KAZN: variants seen among roughly 807,000 people sequenced by gnomAD.
KAZN encodes kazrin.
Under a neutral mutation model 87.4 loss-of-function variants are expected in KAZN, and 40 were observed. That is an observed-to-expected ratio of 0.46 (90% CI 0.36 to 0.60). The LOEUF is 0.60. Among genes scored for constraint, KAZN ranks in the 20% least tolerant of loss-of-function variants. The pLI, the probability that KAZN is intolerant of heterozygous loss-of-function variation, is 0.00. For synonymous variants in KAZN, 466 were observed against 458.3 expected, an observed-to-expected ratio of 1.02 and a Z score of -0.22; for missense variants, 898 against 1,073.9, an observed-to-expected ratio of 0.84 and a Z score of 2.29.
chr1:14,354,472 GAAAAC>G (rs1658822796), intron 2 of KAZN, among the ~76,000 whole-genome samples: 1 of 152,008 alleles, frequency 6.6e-6, no homozygotes, highest in South Asian at 2.1e-4. Flanking sequence ...GTAATAAAAA[GAAAAC>G]AACCCAGTAC....
At chr1:14,049,405 AT>A in intron 1 of KAZN, among the ~76,000 whole-genome samples, 2 of 152,334 alleles carry the variant, frequency 1.3e-5, no homozygotes, top group East Asian at 3.9e-4. Context: ...AGCATGGCAC[AT>A]ATATACATAT....
chr1:15,007,391 G>A (rs1371391960), intron 2 of KAZN, among the ~76,000 whole-genome samples: 1 of 152,230 alleles, frequency 6.6e-6, no homozygotes, highest in East Asian at 1.9e-4. Flanking sequence ...AGCTAGGAAT[G>A]TAATGTTGCC....
chr1:14,513,677 C>T (rs1476407493), intron 2 of KAZN, among the ~76,000 whole-genome samples: 1 of 152,032 alleles, frequency 6.6e-6, no homozygotes, highest in Non-Finnish European at 1.5e-5. Flanking sequence ...ATGTTGAAAA[C>T]ATATCATAGT....
intron 8 of KAZN, among the ~76,000 whole-genome samples, chr1:15,083,499 A>G (rs944047748): frequency 6.6e-6 from 1 of 152,172 alleles, no homozygotes; most frequent in African/African-American, 2.4e-5. Flanking sequence ...AGCATTAGGC[A>G]TGAGTGTCTC....
chr1:14,577,837 A>T (rs1675285748), intron 2 of KAZN, among the ~76,000 whole-genome samples: 1 of 152,202 alleles, frequency 6.6e-6, no homozygotes, highest in Admixed American at 6.5e-5. Context: ...CCAAGATATT[A>T]TCATGCCCAT....
chr1:14,085,935 GA>G (rs1643840068), intron 1 of KAZN, among the ~76,000 whole-genome samples: 1 of 152,040 alleles, frequency 6.6e-6, no homozygotes, highest in Non-Finnish European at 1.5e-5. Flanking sequence ...ATGGCCATAT[GA>G]AAAAATGTGA....
chr1:14,881,691 A>G (rs1653355820), intron 1 of KAZN, among the ~76,000 whole-genome samples: 1 of 152,192 alleles, frequency 6.6e-6, no homozygotes, highest in Non-Finnish European at 1.5e-5. Flanking sequence ...CTGGTGTCAA[A>G]TCACCTGGAA....
chr1:14,103,186 G>C (rs942416811), intron 1 of KAZN, among the ~76,000 whole-genome samples: 3 of 152,154 alleles, frequency 2.0e-5, no homozygotes, highest in Non-Finnish European at 2.9e-5. Context: ...CTCTCAAAGT[G>C]CCGGGATTAC....
At chr1:14,104,538 G>A (rs1261995502) in intron 1 of KAZN, among the ~76,000 whole-genome samples, 4 of 152,198 alleles carry the variant, frequency 2.6e-5, no homozygotes, top group Non-Finnish European at 1.5e-5. Flanking sequence ...ATCTTCCAAG[G>A]TAGAAAACCT....
chr1:14,764,769 T>C (rs901175230), intron 1 of KAZN, among the ~76,000 whole-genome samples: 2 of 152,130 alleles, frequency 1.3e-5, no homozygotes, highest in Admixed American at 1.3e-4. Flanking sequence ...AGGCTGGGTA[T>C]AGAAACAGGC....
rs112804304 is a variant in KAZN at position 14,809,359 on chromosome 1, G to A, written c.227-151325G>A. ...AAATGCCTAGACAGCTGTGCTTTCT[G>A]AATTCTTCTCTCCCTCTGTGACTTT... On this transcript the variant is annotated intron_variant, in intron 1 of 14. Coordinates refer to ENST00000376030, the MANE Select transcript of KAZN (RefSeq NM_201628.3). Among the ~76,000 whole-genome samples the A allele has an allele frequency of 1.2e-4, 18 of 152,294 alleles. 1 individual carries two copies. Among genetic ancestry groups the A allele is most frequent in the African/African-American group, 4.3e-4 (18 of 41,568 alleles).
intron 1 of KAZN, among the ~76,000 whole-genome samples, chr1:14,951,045 A>G (rs959917571): frequency 2.0e-5 from 3 of 152,190 alleles, no homozygotes; most frequent in Non-Finnish European, 4.4e-5. Flanking sequence ...TAGGGTTTTT[A>G]AGGGGATTGA....
rs187264860 is a variant in KAZN at position 14,572,227 on chromosome 1, A to C, written c.250-26756A>C. Among the ~76,000 whole-genome samples, 292 of 152,220 alleles carry C rather than the reference A, an allele frequency of 1.9e-3. 2 individuals are homozygous for C. Among genetic ancestry groups the C allele is most frequent in the African/African-American group, 6.7e-3 (279 of 41,526 alleles). ...AGGTTATTTCAGTGGTGGCCAAGGGAATATTTGGGGGCTTCATATTTCTTG... is the reference window on the plus strand; with the variant it reads ...AGGTTATTTCAGTGGTGGCCAAGGGCATATTTGGGGGCTTCATATTTCTTG... On this transcript the variant is annotated intron_variant, in intron 2 of 16. Transcript: ENST00000636203.
intron 1 of KAZN, among the ~76,000 whole-genome samples, chr1:14,008,270 C>T (rs1222588712): frequency 6.6e-6 from 1 of 152,082 alleles, no homozygotes; most frequent in Non-Finnish European, 1.5e-5. Flanking sequence ...GCAATAGTAC[C>T]CTTAGCTTCC....
intron 1 of KAZN, among the ~76,000 whole-genome samples, chr1:13,973,346 G>C (rs1642200081): frequency 6.6e-6 from 1 of 152,140 alleles, no homozygotes; most frequent in South Asian, 2.1e-4. Context: ...GCTGACCCCT[G>C]TGGACCTCAT....
rs973351969 is a variant in KAZN at position 14,773,032 on chromosome 1, T to C, written c.226+173809T>C. The stretch of plus-strand genomic sequence containing the variant: ...ATGGTATGAATGTCCACAGGCGGCC[T>C]CTTCATGGGGGTCTCAGGAAATGGG... On this transcript the variant is annotated intron_variant, in intron 1 of 14. Transcript: ENST00000376030. The surrounding 1 kb of genome is among the most constrained non-coding windows in gnomAD (Gnocchi z 5.9). Among the ~76,000 whole-genome samples, 1 of 152,042 alleles carries C rather than the reference T, an allele frequency of 6.6e-6. No homozygotes were observed. Among genetic ancestry groups the C allele is most frequent in the Admixed American group, 6.5e-5 (1 of 15,280 alleles).
intron 2 of KAZN, among the ~76,000 whole-genome samples, chr1:14,500,868 A>G (rs1292371020): frequency 6.6e-6 from 1 of 152,100 alleles, no homozygotes; most frequent in East Asian, 1.9e-4. Flanking sequence ...AAATTCCTGG[A>G]AGACACAAAC....
intron 1 of KAZN, among the ~76,000 whole-genome samples, chr1:14,177,289 C>G (rs1427530785): frequency 6.8e-6 from 1 of 146,606 alleles, no homozygotes; most frequent in African/African-American, 2.6e-5. Flanking sequence ...CATCAATAAT[C>G]TTTTAAATGA....
chr1:14,753,897 T>TTCCAAGAC (rs1644482834), intron 1 of KAZN, among the ~76,000 whole-genome samples: 1 of 152,244 alleles, frequency 6.6e-6, no homozygotes, highest in Admixed American at 6.5e-5. Flanking sequence ...GGCTGTTCTC[T>TTCCAAGAC]GCTTCCAAGA....
Sources: allele counts gnomAD v4.1 joint callset (sites outside exome capture counted in the v4.1 genomes callset), GRCh38; gene constraint gnomAD v4.1.1; non-coding constraint Gnocchi (gnomAD v3.1); transcripts MANE v1.5; gene names NCBI Gene and HGNC (gene_info 2026-07-23, HGNC 2026-07-21).